PTPN20: variants seen among roughly 807,000 people sequenced by gnomAD.
PTPN20 encodes the protein tyrosine-protein phosphatase non-receptor type 20.
PTPN20 carries 9 observed loss-of-function variants against 35.0 expected under a neutral mutation model. The ratio of observed to expected loss-of-function variants is 0.26; its 90% CI spans 0.15 to 0.45. The LOEUF (loss-of-function observed/expected upper bound fraction) is 0.45. PTPN20 is among the 20% of genes least tolerant of loss of function. The probability of loss-of-function intolerance (pLI) is 1.00; values close to 1 mark genes in which losing one functional copy is unlikely to be tolerated. For missense variants in PTPN20, 111 were observed against 312.5 expected (o/e 0.36, Z 4.86); for synonymous variants, 32 against 100.2 (o/e 0.32, Z 4.06).
At chr10:46,999,832 C>T (rs1484444258) in intron 9 of PTPN20, 80 bp from the exon 10 acceptor site, 4 of 1,517,102 alleles carry the variant, frequency 2.6e-6, no homozygotes, top group Non-Finnish European at 3.7e-6. Context: ...CTTGACATCT[C>T]TTTCACCCTT....
chr10:46,946,988 T>G, intron 5 of PTPN20: 1 of 331,286 alleles, frequency 3.0e-6, no homozygotes, highest in East Asian at 8.6e-5. Context: ...CTTATTTCCT[T>G]TTTAAAAATT....
chr10:46,976,784 A>C (rs1555167339), intron 7 of PTPN20, among the ~76,000 whole-genome samples: 1 of 90,208 alleles, frequency 1.1e-5, no homozygotes, highest in Non-Finnish European at 2.3e-5. Context: ...TCTTGGTTCT[A>C]TCTTATAAAA....
At chr10:46,938,757 A>G (rs1473658065) in intron 2 of PTPN20, among the ~76,000 whole-genome samples, 4 of 85,918 alleles carry the variant, frequency 4.7e-5, no homozygotes, top group Non-Finnish European at 6.4e-5. Flanking sequence ...TCTGGAGGCC[A>G]TAATCTGGAG....
downstream of PTPN20, chr10:47,002,330 A>G (rs2063689145): frequency 6.6e-6 from 1 of 152,164 alleles, no homozygotes; most frequent in Non-Finnish European, 1.5e-5. Context: ...GTATTGCCTG[A>G]AGTATTTTTA....
At chr10:46,941,220 G>C (rs1555135391) in intron 3 of PTPN20, among the ~76,000 whole-genome samples, 1 of 149,200 alleles carries the variant, frequency 6.7e-6, no homozygotes, top group South Asian at 2.1e-4. Flanking sequence ...CTCTTACCTA[G>C]TCAACTGGAG....
chr10:46,944,036 TA>T (rs2044024586), intron 4 of PTPN20, 21 bp downstream of exon 4: 1 of 33,924 alleles, frequency 2.9e-5, no homozygotes. Flanking sequence ...TATGCTTATT[TA>T]GTGGGTTTTC....
chr10:46,948,733 CA>C (rs2045765127), intron 5 of PTPN20, among the ~76,000 whole-genome samples: 1 of 151,996 alleles, frequency 6.6e-6, no homozygotes. Context: ...TATCTTCCAG[CA>C]GTAGACTGGT....
chr10:46,933,371 G>A (rs1442386064), intron 2 of PTPN20, among the ~76,000 whole-genome samples: 2 of 151,926 alleles, frequency 1.3e-5, no homozygotes, highest in Non-Finnish European at 2.9e-5. Flanking sequence ...TTACAATACA[G>A]TATTGTATGT....
Position 46,984,480 on chromosome 10 carries a change from A to AGTGT in PTPN20, c.834_835insGTGT (p.Leu279ValfsTer33). The AGTGT allele has an allele frequency of 1.2e-6, 2 of 1,603,318 alleles. No individual in the cohort carries two copies. The highest frequency in any genetic ancestry group is 8.5e-7 in the Non-Finnish European group (1 of 1,172,298). On this transcript the variant is annotated frameshift_variant, in exon 8 of 11. Coordinates refer to ENST00000374339, the MANE Select transcript of PTPN20 (RefSeq NM_001042357.5). LOFTEE classifies it high-confidence loss of function. ...CCATTTCTCTGAAGAAGCCATTGGA[A>AGTGT]TTGAAACACTTCCGTGTATTCCTGG...
chr10:46,988,948 G>A (rs1484513583), intron 9 of PTPN20, among the ~76,000 whole-genome samples: 5 of 141,104 alleles, frequency 3.5e-5, no homozygotes, highest in South Asian at 4.4e-4. Context: ...TTTGTATGTC[G>A]ACTTTGTATC....
chr10:46,947,330 T>A (rs1224987608), intron 5 of PTPN20, among the ~76,000 whole-genome samples: 2 of 149,960 alleles, frequency 1.3e-5, no homozygotes, highest in Non-Finnish European at 3.0e-5. Context: ...ATAACCAACA[T>A]CCCATCAAAT....
intron 7 of PTPN20, among the ~76,000 whole-genome samples, chr10:46,984,019 A>G (rs1196611122): frequency 4.6e-5 from 7 of 151,968 alleles, no homozygotes; most frequent in East Asian, 1.9e-4. Context: ...TAAACATCCC[A>G]TAATTGTATA....
intron 6 of PTPN20, among the ~76,000 whole-genome samples, chr10:46,967,388 A>C: frequency 1.1e-5 from 1 of 90,230 alleles, no homozygotes; most frequent in Non-Finnish European, 1.9e-5. Context: ...GCCATTATCC[A>C]ATTCATCCCT....
At chr10:46,976,789 A>G (rs1201110594) in intron 7 of PTPN20, among the ~76,000 whole-genome samples, 1 of 101,580 alleles carries the variant, frequency 9.8e-6, no homozygotes, top group Non-Finnish European at 2.1e-5. Context: ...GTTCTATCTT[A>G]TAAAACCTTT....
chr10:46,937,258 A>T (rs1383877603), intron 2 of PTPN20, among the ~76,000 whole-genome samples: 233 of 147,230 alleles, frequency 1.6e-3, no homozygotes, highest in Non-Finnish European at 2.6e-3. Flanking sequence ...GAAATCCATC[A>T]TTCTTATCTT....
rs1212439112 is a variant in PTPN20 at position 46,940,537 on chromosome 10, T to C, written c.35-86T>C. 9 of 1,400,826 alleles carry C rather than the reference T, an allele frequency of 6.4e-6. No individual in the cohort carries two copies. In the East Asian group the frequency reaches 2.1e-4, roughly 33 times the overall value. The allele number at this position is 1,400,826 out of a possible 1,614,324, so 86.8% of individuals were successfully genotyped here. On this transcript the variant is annotated intron_variant, in intron 2 of 10. Transcript: ENST00000374339. ...AAAGTAGATGAAAATGCCCCTCATGTAGCTTGTTTTTTCTCATTAAGGCTC... is the reference window on the plus strand; with the variant it reads ...AAAGTAGATGAAAATGCCCCTCATGCAGCTTGTTTTTTCTCATTAAGGCTC...
chr10:46,956,712 T>TG (rs2048522869), intron 5 of PTPN20, among the ~76,000 whole-genome samples: 2 of 61,870 alleles, frequency 3.2e-5, no homozygotes, highest in South Asian at 1.6e-3. Context: ...TTTAGCTATT[T>TG]GGGGTCCTTT....
At chr10:46,953,287 AAC>A (rs2047256914) in intron 5 of PTPN20, among the ~76,000 whole-genome samples, 1 of 146,440 alleles carries the variant, frequency 6.8e-6, no homozygotes, top group South Asian at 2.1e-4. Context: ...TTGGTGAATA[AAC>A]ACAGTTTTAT....
intron 1 of PTPN20, chr10:46,925,926 T>G: frequency 2.1e-6 from 2 of 974,932 alleles, no homozygotes; most frequent in Non-Finnish European, 2.4e-6. Flanking sequence ...GGGTATATAA[T>G]CTGAGTAAGT....
Sources: gnomAD v4.1 joint callset for allele counts (sites outside exome capture counted in the v4.1 genomes callset) on GRCh38, gnomAD v4.1.1 for gene constraint, MANE v1.5 for transcripts, NCBI Gene and HGNC (gene_info 2026-07-23, HGNC 2026-07-21) for gene names.